The following B3GNT3 variants were observed in gnomAD, a reference collection of about 807,000 sequenced individuals.
The protein encoded by B3GNT3 is N-acetyllactosaminide beta-1,3-N-acetylglucosaminyltransferase 3.
B3GNT3 carries 7 observed loss-of-function variants against 11.6 expected under a neutral mutation model. That is an observed-to-expected ratio of 0.60 (90% CI 0.34 to 1.13). The LOEUF is 1.13. Ranked by LOEUF, B3GNT3 falls within the 50% of genes most tolerant of loss-of-function variation. The pLI, the probability that B3GNT3 is intolerant of heterozygous loss-of-function variation, is 0.03. For synonymous variants in B3GNT3, 201 were observed against 222.1 expected (o/e 0.90, Z 0.85); for missense variants, 400 against 507.4 (o/e 0.79, Z 2.03).
intron 1 of B3GNT3, among the ~76,000 whole-genome samples, chr19:17,803,068 C>T (rs149005969): frequency 1.3e-5 from 2 of 151,796 alleles, no homozygotes; most frequent in East Asian, 3.9e-4. Context: ...TGCAGTGGCA[C>T]GATCTCGGCT....
In B3GNT3 at chr19:17,808,215, A is replaced by G. The variant is rs2240813; in HGVS notation, c.408A>G (p.Val136=). ...LRRTWGRERK[V]RGLQLRLLFL... ...GCACGTGGGGCCGCGAGCGCAAGGTACGGGGTTTGCAGCTGCGCCTCCTCT... is the reference window on the plus strand; with the variant it reads ...GCACGTGGGGCCGCGAGCGCAAGGTGCGGGGTTTGCAGCTGCGCCTCCTCT... Residue 136 remains valine (V), a synonymous_variant, in exon 2 of 3, where the codon GTA becomes GTG. Transcript: ENST00000318683. 7.4e-6 allele frequency: 12 copies of G among 1,613,134 alleles called. No individual in the cohort carries two copies. The East Asian group carries it at 2.5e-4, about 33-fold the overall frequency.
chr19:17,798,441 C>T (rs1182287408), intron 1 of B3GNT3, among the ~76,000 whole-genome samples: 6 of 152,046 alleles, frequency 3.9e-5, no homozygotes, highest in East Asian at 1.9e-4. Flanking sequence ...GAGACCGAGG[C>T]GGGTGGATCA....
chr19:17,811,695 G>A lies in B3GNT3; in HGVS notation c.692G>A (p.Arg231His), dbSNP rs757613140. 4.2e-5 allele frequency: 68 copies of A among 1,614,100 alleles called. No individual in the cohort carries two copies. Among genetic ancestry groups the A allele is most frequent in the Non-Finnish European group, 5.5e-5 (65 of 1,180,044 alleles). The stretch of plus-strand genomic sequence containing the variant: ...TACCTGCAGGACCATGACCCTGGCC[G>A]CCACCTCTTCGTGGGGCAACTGATC... ...VFYLQDHDPG[R>H]HLFVGQLIQN... Residue 231 changes from arginine (R) to histidine (H), a missense_variant, in exon 3 of 3, where the codon CGC becomes CAC. By Grantham distance (29) the Arg-to-His change is conservative (BLOSUM62 0). Transcript: ENST00000318683. The surrounding 1 kb of genome is among the most constrained non-coding windows in gnomAD (Gnocchi z 4.1).
At chr19:17,810,371 C>A (rs2094179077) in intron 2 of B3GNT3, among the ~76,000 whole-genome samples, 1 of 152,062 alleles carries the variant, frequency 6.6e-6, no homozygotes, top group South Asian at 2.1e-4. Flanking sequence ...GATTGTGCCA[C>A]TGCACTCCAG....
intron 1 of B3GNT3, among the ~76,000 whole-genome samples, chr19:17,806,553 C>T (rs545151708): frequency 2.0e-5 from 3 of 152,242 alleles, no homozygotes; most frequent in East Asian, 1.9e-4. Flanking sequence ...CCATCCATGA[C>T]GCAGTCCCTT....
Position 17,811,473 on chromosome 19 carries a change from T to C in B3GNT3, c.568-98T>C, listed in dbSNP as rs1568393030. The C allele has an allele frequency of 3.1e-6, 4 of 1,284,152 alleles. No individual in the cohort carries two copies. The Admixed American group carries it at 1.1e-4, about 34-fold the overall frequency. 79.5% of individuals were successfully genotyped at this position (1,284,152 alleles called of 1,614,324 possible). A position where few individuals can be genotyped will look rare whatever the true frequency, so the allele number is the denominator to read the frequency against. ...TTAACCCAGGCTGGATTGTGGACAC[T>C]TCCTTTCCTGGGCTTAGTGGGCTGG... On this transcript the variant is annotated intron_variant, in intron 2 of 2. Coordinates refer to ENST00000318683, the MANE Select transcript of B3GNT3 (RefSeq NM_014256.4). This position sits in a 1 kb window ranked among gnomAD's most constrained non-coding sequence, Gnocchi z 4.1.
chr19:17,806,786 T>C (rs2094173499), intron 1 of B3GNT3, among the ~76,000 whole-genome samples: 2 of 151,726 alleles, frequency 1.3e-5, no homozygotes, highest in Admixed American at 1.3e-4. Context: ...ACCTTGTCTC[T>C]CCTAAAAATA....
intron 1 of B3GNT3, among the ~76,000 whole-genome samples, chr19:17,806,304 A>G (rs373143878): frequency 6.6e-6 from 1 of 151,948 alleles, no homozygotes. Flanking sequence ...TTTTGTAGAG[A>G]CGGGGTTTCA....
intron 1 of B3GNT3, among the ~76,000 whole-genome samples, chr19:17,798,355 A>G (rs947102422): frequency 6.6e-6 from 1 of 152,054 alleles, no homozygotes; most frequent in Non-Finnish European, 1.5e-5. Context: ...TGCAGGTGAT[A>G]AGGGTGGTGG....
At chr19:17,800,411 G>A (rs896241166) in intron 1 of B3GNT3, among the ~76,000 whole-genome samples, 1 of 152,080 alleles carries the variant, frequency 6.6e-6, no homozygotes, top group Non-Finnish European at 1.5e-5. Context: ...GGATGAGGGC[G>A]ACAGAGGTGC....
chr19:17,807,836 A>G lies in B3GNT3; in HGVS notation c.29A>G (p.Asn10Ser), dbSNP rs755669786. MKYLRHRRP[N>S]ATLILAIGAF... ...AAGTATCTCCGGCACCGGCGGCCCA[A>G]TGCCACCCTCATTCTGGCCATCGGC... Residue 10 changes from asparagine (N) to serine (S), a missense_variant, in exon 2 of 3, where the codon AAT becomes AGT. By Grantham distance (46) the Asn-to-Ser change is conservative. Transcript: ENST00000318683. 6.2e-7 allele frequency: 1 copy of G among 1,612,424 alleles called. No homozygotes were observed. Among genetic ancestry groups the G allele is most frequent in the Non-Finnish European group, 8.5e-7 (1 of 1,179,310 alleles).
chr19:17,795,700 C>T (rs1487548799), intron 1 of B3GNT3, among the ~76,000 whole-genome samples: 2 of 152,202 alleles, frequency 1.3e-5, no homozygotes, highest in African/African-American at 4.8e-5. Flanking sequence ...GGGGCCCTGG[C>T]TGCGTGGCAT....
intron 1 of B3GNT3, among the ~76,000 whole-genome samples, chr19:17,805,023 A>AT (rs1343284164): frequency 6.6e-6 from 1 of 150,464 alleles, no homozygotes; most frequent in Non-Finnish European, 1.5e-5. Flanking sequence ...ATTTTGTTTC[A>AT]TTTTTTTATT....
chr19:17,811,347 T>C lies in B3GNT3; in HGVS notation c.568-224T>C, dbSNP rs1240219585. ...GGTGCTTCATGGAGCATGGTCTCCATGGATTCCCCAACACTCCTAGAGGCA... is the reference window on the plus strand; with the variant it reads ...GGTGCTTCATGGAGCATGGTCTCCACGGATTCCCCAACACTCCTAGAGGCA... On this transcript the variant is annotated intron_variant, in intron 2 of 2. Transcript: ENST00000318683. This position sits in a 1 kb window ranked among gnomAD's most constrained non-coding sequence, Gnocchi z 4.1. Among the ~76,000 whole-genome samples the C allele has an allele frequency of 1.3e-5, 2 of 152,234 alleles. No individual in the cohort carries two copies. Among genetic ancestry groups the C allele is most frequent in the Non-Finnish European group, 2.9e-5 (2 of 68,032 alleles).
In B3GNT3 at chr19:17,805,804, A is replaced by AT. The variant is rs578162993; in HGVS notation, c.-50-1943dup. Among the ~76,000 whole-genome samples, 676 of 147,778 alleles carry AT rather than the reference A, an allele frequency of 4.6e-3. 5 individuals carry two copies. The Middle Eastern group carries it at 0.087, about 19-fold the overall frequency. On this transcript the variant is annotated intron_variant, in intron 1 of 2. Coordinates refer to ENST00000318683, the MANE Select transcript of B3GNT3 (RefSeq NM_014256.4). ...TCACTAATTGTTAGTATCATTTACA[A>AT]TTTTTTTTTTTGAGACAGCATCTTG...
In B3GNT3 at chr19:17,808,087, C is replaced by T. The variant is rs1471530503; in HGVS notation, c.280C>T (p.Leu94=). The change falls in exon 2 of 3, where the codon CTG becomes TTG. Residue 94 remains leucine, a synonymous_variant. Transcript: ENST00000318683. ...LLYRHCRHFP[L]LQDVPPSKCA... ...GTACAGACACTGCCGCCACTTTCCC[C>T]TGCTGCAGGACGTGCCCCCCTCTAA... 1 of 1,613,830 alleles carries T rather than the reference C, an allele frequency of 6.2e-7. No individual in the cohort carries two copies. The highest frequency in any genetic ancestry group is 8.5e-7 in the Non-Finnish European group (1 of 1,179,946).
chr19:17,811,876 C>T lies in B3GNT3; in HGVS notation c.873C>T (p.Asp291=). 2 of 1,614,144 alleles carry T rather than the reference C, an allele frequency of 1.2e-6. No homozygotes were observed. Among genetic ancestry groups the T allele is most frequent in the Middle Eastern group, 1.6e-4 (1 of 6,062 alleles). ...AALRRAAHVL[D]IFPIDDVFLG... is the part of the protein sequence containing the mutation. ...TGCGCCGTGCTGCCCATGTCTTGGA[C>T]ATCTTCCCCATTGATGATGTCTTCC... Residue 291 remains aspartate, a synonymous_variant, in exon 3 of 3, where the codon GAC becomes GAT. Transcript: ENST00000318683. The surrounding 1 kb of genome is among the most constrained non-coding windows in gnomAD (Gnocchi z 4.1).
chr19:17,807,739 T>G lies in B3GNT3; in HGVS notation c.-50-19T>G. On this transcript the variant is annotated intron_variant, in intron 1 of 2. Transcript: ENST00000318683. ...CGCTTTGCTCATGGCGAGTGTTCAG[T>G]GAGTTTTGTTTTCCACAGGAGCCGC... The G allele has an allele frequency of 6.8e-5, 97 of 1,431,992 alleles. No individual in the cohort carries two copies. Among genetic ancestry groups the G allele is most frequent in the Non-Finnish European group, 8.7e-5 (91 of 1,049,420 alleles). 88.7% of individuals were successfully genotyped at this position (1,431,992 alleles called of 1,614,324 possible).
intron 2 of B3GNT3, among the ~76,000 whole-genome samples, chr19:17,810,780 C>A (rs1312416046): frequency 3.9e-5 from 6 of 151,912 alleles, no homozygotes; most frequent in Non-Finnish European, 8.8e-5. Context: ...ACTTGGGAGG[C>A]TGAGGCAGAA....
Sources: gnomAD v4.1 joint callset for allele counts (sites outside exome capture counted in the v4.1 genomes callset) on GRCh38, gnomAD v4.1.1 for gene constraint, Gnocchi (gnomAD v3.1) non-coding constraint, MANE v1.5 for transcripts, NCBI Gene and HGNC (gene_info 2026-07-23, HGNC 2026-07-21) for gene names.